CSMD1: variants seen among roughly 807,000 people sequenced by gnomAD.
CSMD1 encodes CUB and Sushi multiple domains 1.
In CSMD1, 213 loss-of-function variants were observed where a neutral mutation model predicts 417.5. The ratio of observed to expected loss-of-function variants is 0.51; its 90% CI spans 0.46 to 0.57. The LOEUF (loss-of-function observed/expected upper bound fraction) is 0.57. Among genes scored for constraint, CSMD1 ranks in the 20% least tolerant of loss-of-function variants. The pLI is 0.00. For synonymous variants in CSMD1, 2,862 were observed against 1,736.8 expected (o/e 1.65, Z -16.11); for missense variants, 6,923 against 4,529.7 (o/e 1.53, Z -15.17).
intron 7 of CSMD1, among the ~76,000 whole-genome samples, chr8:3,641,454 G>C (rs572833142): frequency 6.6e-6 from 1 of 152,156 alleles, no homozygotes; most frequent in South Asian, 2.1e-4. Flanking sequence ...TACTTTATCA[G>C]TAAGTGGTTT....
chr8:4,168,214 C>T (rs187371250), intron 3 of CSMD1, among the ~76,000 whole-genome samples: 298 of 151,666 alleles, frequency 2.0e-3, no homozygotes, highest in Non-Finnish European at 3.5e-3. Flanking sequence ...TACATATACA[C>T]ACACATATAT....
intron 3 of CSMD1, among the ~76,000 whole-genome samples, chr8:4,147,826 T>C (rs1238400066): frequency 6.6e-6 from 1 of 152,072 alleles, no homozygotes; most frequent in Non-Finnish European, 1.5e-5. Context: ...GGAAGACACA[T>C]CATCAGAAAG....
chr8:3,263,555 C>T (rs1055066742), intron 26 of CSMD1, among the ~76,000 whole-genome samples: 22 of 152,108 alleles, frequency 1.4e-4, no homozygotes, highest in African/African-American at 5.3e-4. Context: ...TTTGGTAATA[C>T]ATTCAAGTAA....
chr8:4,994,462 G>C lies in CSMD1; in HGVS notation c.-46C>G. The C allele has an allele frequency of 1.3e-6, 2 of 1,543,276 alleles. No homozygotes were observed. Among genetic ancestry groups the C allele is most frequent in the Non-Finnish European group, 1.8e-6 (2 of 1,123,346 alleles). On this transcript the variant is annotated 5_prime_UTR_variant, in exon 1 of 70. Transcript: ENST00000635120. The stretch of plus-strand genomic sequence containing the variant: ...CACGCGACACCGATGGCTCCTCCGA[G>C]GAAGGCAGGGCTATGAGCGGAGCCA...
intron 2 of CSMD1, among the ~76,000 whole-genome samples, chr8:4,522,227 A>T (rs1370842111): frequency 1.3e-5 from 2 of 151,984 alleles, no homozygotes; most frequent in Admixed American, 6.6e-5. Context: ...CTCTGCACAA[A>T]TTCTCTCTCT....
intron 5 of CSMD1, among the ~76,000 whole-genome samples, chr8:3,943,064 TA>T: frequency 6.6e-6 from 1 of 152,236 alleles, no homozygotes; most frequent in South Asian, 2.1e-4. Flanking sequence ...ATAAATGCAA[TA>T]AAATCTCTCT....
At chr8:4,524,321 T>C (rs1796396386) in intron 2 of CSMD1, among the ~76,000 whole-genome samples, 1 of 151,654 alleles carries the variant, frequency 6.6e-6, no homozygotes, top group Non-Finnish European at 1.5e-5. Context: ...AAAAAGGTAC[T>C]ATTCTACTGT....
intron 5 of CSMD1, among the ~76,000 whole-genome samples, chr8:3,908,908 T>C (rs4875259): frequency 0.52 from 78,586 of 152,128 alleles, 23,719 homozygotes; most frequent in South Asian, 0.66. Flanking sequence ...AGATCACTCA[T>C]GCATCTATCT....
At chr8:4,522,697 C>T (rs1803529636) in intron 2 of CSMD1, among the ~76,000 whole-genome samples, 1 of 152,172 alleles carries the variant, frequency 6.6e-6, no homozygotes, top group Non-Finnish European at 1.5e-5. Context: ...GTTATCATCT[C>T]ACTTTACCAA....
chr8:4,809,058 G>A lies in CSMD1; in HGVS notation c.86-171500C>T, dbSNP rs551757386. On this transcript the variant is annotated intron_variant, in intron 1 of 69. Transcript: ENST00000635120. ...CTTTCCAGTCACACAGATGAGTACA[G>A]CTTCACTGCCTCTGGCTGCAGAATA... Among the ~76,000 whole-genome samples, 10 of 152,328 alleles carry A rather than the reference G, an allele frequency of 6.6e-5. No homozygotes were observed. In the South Asian group the frequency reaches 1.7e-3, roughly 25 times the overall value.
At chr8:3,623,286 C>A (rs772839328) in intron 7 of CSMD1, among the ~76,000 whole-genome samples, 2 of 152,198 alleles carry the variant, frequency 1.3e-5, no homozygotes, top group African/African-American at 4.8e-5. Context: ...AAAGAAAATT[C>A]TTCTTCATCA....
intron 7 of CSMD1, among the ~76,000 whole-genome samples, chr8:3,666,239 G>C (rs922131118): frequency 1.3e-5 from 2 of 151,536 alleles, no homozygotes; most frequent in African/African-American, 4.8e-5. Flanking sequence ...ACACTGGTGA[G>C]ACTTTCCATT....
At chr8:4,767,278 T>G (rs1812529090) in intron 1 of CSMD1, among the ~76,000 whole-genome samples, 1 of 152,198 alleles carries the variant, frequency 6.6e-6, no homozygotes, top group African/African-American at 2.4e-5. Flanking sequence ...AAATGCCAAT[T>G]AAAACAAGTA....
intron 40 of CSMD1, among the ~76,000 whole-genome samples, chr8:3,145,051 G>C (rs1818758812): frequency 6.6e-6 from 1 of 152,074 alleles, no homozygotes; most frequent in South Asian, 2.1e-4. Context: ...AGTTGTGTGT[G>C]TGTGTGTGCA....
At chr8:4,988,796 A>C (rs1356560182) in intron 1 of CSMD1, among the ~76,000 whole-genome samples, 1 of 152,222 alleles carries the variant, frequency 6.6e-6, no homozygotes, top group African/African-American at 2.4e-5. Context: ...ACTGTTTCAC[A>C]CTCTGCATCC....
chr8:3,643,425 G>C (rs1322011555), intron 7 of CSMD1, among the ~76,000 whole-genome samples: 5 of 151,726 alleles, frequency 3.3e-5, no homozygotes, highest in Admixed American at 2.0e-4. Context: ...CCTCTGGGCC[G>C]GACGCCGTGG....
At chr8:3,850,788 G>A (rs936687470) in intron 5 of CSMD1, among the ~76,000 whole-genome samples, 1 of 152,188 alleles carries the variant, frequency 6.6e-6, no homozygotes, top group African/African-American at 2.4e-5. Flanking sequence ...TTAGTAGTGT[G>A]TGAAAGTCCA....
chr8:4,163,351 G>C (rs1218440124), intron 3 of CSMD1, among the ~76,000 whole-genome samples: 1 of 152,106 alleles, frequency 6.6e-6, no homozygotes, highest in African/African-American at 2.4e-5. Flanking sequence ...ATTCCCATCA[G>C]CCATAACTCA....
chr8:3,960,950 C>T (rs1249802377), intron 5 of CSMD1, among the ~76,000 whole-genome samples: 1 of 151,764 alleles, frequency 6.6e-6, no homozygotes, highest in Non-Finnish European at 1.5e-5. Flanking sequence ...TAATACTATC[C>T]TCTTAATATT....
Sources: gnomAD v4.1 joint callset for allele counts (sites outside exome capture counted in the v4.1 genomes callset) on GRCh38, gnomAD v4.1.1 for gene constraint, MANE v1.5 for transcripts, NCBI Gene and HGNC (gene_info 2026-07-23, HGNC 2026-07-21) for gene names.